CTBP2: variants seen among roughly 807,000 people sequenced by gnomAD.
The protein encoded by CTBP2 is C-terminal binding protein 2, also known as C-terminal-binding protein 2.
A neutral mutation model predicts 80.3 loss-of-function variants in CTBP2; 30 were observed. The observed-to-expected ratio is 0.37, with a 90% CI of 0.28 to 0.51. The LOEUF (loss-of-function observed/expected upper bound fraction) is 0.51. CTBP2 is among the 20% of genes least tolerant of loss of function. The pLI is 0.93. For missense variants in CTBP2, 1,212 were observed against 1,375.3 expected, an observed-to-expected ratio of 0.88 and a Z score of 1.88; for synonymous variants, 594 against 587.4, an observed-to-expected ratio of 1.01 and a Z score of -0.16.
intron 2 of CTBP2, among the ~76,000 whole-genome samples, chr10:125,068,198 C>A (rs1282552439): frequency 6.6e-6 from 1 of 152,188 alleles, no homozygotes; most frequent in African/African-American, 2.4e-5. Flanking sequence ...TGCCCCACGA[C>A]CATCCTGATC....
intron 2 of CTBP2, among the ~76,000 whole-genome samples, chr10:125,092,904 C>T (rs910711405): frequency 9.2e-5 from 14 of 152,012 alleles, no homozygotes; most frequent in African/African-American, 2.7e-4. Flanking sequence ...AAACAGCCCG[C>T]CTTCTAGAGT....
intron 8 of CTBP2, among the ~76,000 whole-genome samples, chr10:124,991,856 G>A (rs1433538926): frequency 1.4e-5 from 2 of 145,466 alleles, no homozygotes; most frequent in African/African-American, 5.1e-5. Flanking sequence ...ATTTATGCAT[G>A]AGGGGGCTAC....
At chr10:125,046,558 A>T (rs1961314185) in intron 2 of CTBP2, among the ~76,000 whole-genome samples, 1 of 149,708 alleles carries the variant, frequency 6.7e-6, no homozygotes, top group African/African-American at 2.5e-5. Context: ...AAAAAAAAGA[A>T]TTTGGATATG....
rs79291988 is a variant in CTBP2 at position 124,992,984 on chromosome 10, C to T, written c.2660-172G>A. ...TGACCTTCAGCCTCTGTGTGCCCCC[C>T]GACCCCCGAGTTTATAATGTCTGGG... is the stretch of plus-strand genomic sequence containing the variant. On this transcript the variant is annotated intron_variant, in intron 7 of 8. Coordinates refer to ENST00000309035, the MANE Select transcript of CTBP2 (RefSeq NM_022802.3). 5.6e-4 allele frequency among the ~76,000 whole-genome samples: 86 copies of T among 152,318 alleles called. 1 individual carries two copies. In the East Asian group the frequency reaches 0.015, roughly 26 times the overall value.
intron 2 of CTBP2, among the ~76,000 whole-genome samples, chr10:125,085,904 T>C (rs1297907420): frequency 6.6e-6 from 1 of 152,230 alleles, no homozygotes; most frequent in Non-Finnish European, 1.5e-5. Flanking sequence ...GCCTTCGTGG[T>C]CAAGATCCGG....
chr10:125,020,084 T>G (rs117549600), intron 1 of CTBP2, among the ~76,000 whole-genome samples: 2 of 152,180 alleles, frequency 1.3e-5, no homozygotes, highest in Admixed American at 6.5e-5. Flanking sequence ...CAGGTGAACA[T>G]GGGGCCACTC....
rs530536735 is a variant in CTBP2 at position 125,079,146 on chromosome 10, C to T, written c.-102+31844G>A. Among the ~76,000 whole-genome samples, 574 of 79,886 alleles carry T rather than the reference C, an allele frequency of 7.2e-3. 2 individuals are homozygous for T. Among genetic ancestry groups the T allele is most frequent in the African/African-American group, 0.031 (494 of 16,044 alleles). 52.4% of individuals were successfully genotyped at this position (79,886 alleles called of 152,430 possible). The stretch of plus-strand genomic sequence containing the variant: ...TGGGTGACAGAGTGAGACCTTGTCT[C>T]GAGGAAAAAAAAAAAAAAAAAAAAA... On this transcript the variant is annotated intron_variant, in intron 2 of 10. Coordinates refer to the CTBP2 transcript ENST00000337195.
chr10:125,125,951 A>C (rs1162719200), intron 1 of CTBP2, among the ~76,000 whole-genome samples: 1 of 152,226 alleles, frequency 6.6e-6, no homozygotes, highest in Non-Finnish European at 1.5e-5. Flanking sequence ...CATCGGAAGA[A>C]GTGTCAGGGC....
intron 2 of CTBP2, among the ~76,000 whole-genome samples, chr10:125,101,232 C>T (rs1004413135): frequency 3.3e-5 from 5 of 152,214 alleles, no homozygotes; most frequent in African/African-American, 1.2e-4. Flanking sequence ...GTGAAGTGGC[C>T]GTGTTCCCGG....
At chr10:125,138,596 G>A (rs926203306) in intron 1 of CTBP2, among the ~76,000 whole-genome samples, 3 of 149,770 alleles carry the variant, frequency 2.0e-5, no homozygotes, top group Admixed American at 6.7e-5. Context: ...AAGAGCCGCT[G>A]TAATCAATTT....
upstream of CTBP2, among the ~76,000 whole-genome samples, chr10:125,029,237 G>T (rs79566503): frequency 1.4e-5 from 2 of 142,756 alleles, no homozygotes; most frequent in African/African-American, 5.2e-5. Context: ...TTTTTTTTTT[G>T]AGACACAGTT....
At chr10:124,989,803 A>G (rs1952344056) in intron 8 of CTBP2, 105 bp from the exon 11 acceptor site, 1 of 1,135,862 alleles carries the variant, frequency 8.8e-7, no homozygotes, top group African/African-American at 1.6e-5. Context: ...GCCCAGTGAC[A>G]TGAACATGGC....
intron 1 of CTBP2, among the ~76,000 whole-genome samples, chr10:125,123,750 C>G (rs1490064748): frequency 6.6e-6 from 1 of 152,238 alleles, no homozygotes; most frequent in East Asian, 1.9e-4. Flanking sequence ...CTGACCTTCT[C>G]TCACTGGAGC....
At position 125,018,048 on chromosome 10, in the gene CTBP2, C is replaced by T. The variant is rs1184576027; in HGVS notation, c.1678+8034G>A. Reference sequence around the variant, plus strand: ...TTCCAGCTCGGACTGGTGTCTCCTCCCCAAGTGTATACCATTGTTGATTTT... The same window carrying T: ...TTCCAGCTCGGACTGGTGTCTCCTCTCCAAGTGTATACCATTGTTGATTTT... On this transcript the variant is annotated intron_variant, in intron 1 of 8. Coordinates refer to ENST00000309035, the MANE Select transcript of CTBP2 (RefSeq NM_022802.3). Among the ~76,000 whole-genome samples, 9 of 152,352 alleles carry T rather than the reference C, an allele frequency of 5.9e-5. 1 individual carries two copies. In the South Asian group the frequency reaches 1.7e-3, roughly 28 times the overall value.
chr10:125,138,715 A>G (rs922019396), intron 1 of CTBP2, among the ~76,000 whole-genome samples: 4 of 152,078 alleles, frequency 2.6e-5, no homozygotes, highest in African/African-American at 9.7e-5. Flanking sequence ...GAATAAATGT[A>G]AAACAAAAAT....
intron 2 of CTBP2, among the ~76,000 whole-genome samples, chr10:125,072,806 T>C (rs80209321): frequency 0.077 from 11,678 of 152,118 alleles, 714 homozygotes; most frequent in East Asian, 0.31. Context: ...CAGGATCTTG[T>C]AGCAGGACCT....
rs1274972390 is a variant in CTBP2 at position 124,985,756 on chromosome 10, GGTCT to G, written c.*3758_*3761del. The G allele has an allele frequency of 6.6e-6, 1 of 152,294 alleles. No individual in the cohort carries two copies. Among genetic ancestry groups the G allele is most frequent in the East Asian group, 1.9e-4 (1 of 5,202 alleles). The allele number at this position is 152,294 out of a possible 1,614,324, so 9.4% of individuals were successfully genotyped here. The stretch of plus-strand genomic sequence containing the variant: ...GTTCTTATTCCAGATTCTGGGCAGT[GGTCT>G]GTGAGTAGTTTTTTTCCTGGATGAA... On this transcript the variant is annotated 3_prime_UTR_variant, in exon 9 of 9. Transcript: ENST00000309035.
At chr10:125,074,234 G>T (rs1434946815) in intron 2 of CTBP2, among the ~76,000 whole-genome samples, 4 of 152,216 alleles carry the variant, frequency 2.6e-5, no homozygotes, top group Admixed American at 6.5e-5. Context: ...AAGGAAGAAT[G>T]TAACAAAATA....
intron 1 of CTBP2, among the ~76,000 whole-genome samples, chr10:125,121,146 C>A (rs76822519): frequency 0.066 from 10,109 of 152,306 alleles, 425 homozygotes; most frequent in South Asian, 0.14. Context: ...CTGTGAGTCA[C>A]CCCAGGAGAG....
Sources: gnomAD v4.1 joint callset for allele counts (sites outside exome capture counted in the v4.1 genomes callset) on GRCh38, gnomAD v4.1.1 for gene constraint, MANE v1.5 for transcripts, NCBI Gene and HGNC (gene_info 2026-07-23, HGNC 2026-07-21) for gene names.